The following CNTN3 variants were observed in gnomAD, a reference collection of about 807,000 sequenced individuals.
CNTN3 encodes the protein contactin-3.
In CNTN3, 60 loss-of-function variants were observed where a neutral mutation model predicts 119.1. That is an observed-to-expected ratio of 0.50 (90% CI 0.41 to 0.62). The LOEUF is 0.62. Ranked by LOEUF, CNTN3 falls within the 20% of genes least tolerant of loss-of-function variation. CNTN3 has a pLI of 0.00. For missense variants in CNTN3, 1,101 were observed against 1,242.4 expected (o/e 0.89, Z 1.71); for synonymous variants, 450 against 438.7 (o/e 1.03, Z -0.32).
At chr3:74,266,129 G>C (rs1257619158) in intron 22 of CNTN3, among the ~76,000 whole-genome samples, 1 of 151,986 alleles carries the variant, frequency 6.6e-6, no homozygotes, top group Non-Finnish European at 1.5e-5. Context: ...TTTGTAGGAG[G>C]CAAATAACTA....
intron 1 of CNTN3, among the ~76,000 whole-genome samples, chr3:74,577,274 C>T (rs1031029969): frequency 1.3e-5 from 2 of 152,168 alleles, no homozygotes; most frequent in African/African-American, 4.8e-5. Context: ...TTCACTAAAA[C>T]AGGTCGTTAA....
At chr3:74,308,199 CA>C (rs1702602942) in intron 13 of CNTN3, among the ~76,000 whole-genome samples, 1 of 152,170 alleles carries the variant, frequency 6.6e-6, no homozygotes. Context: ...GCATCAAGTT[CA>C]CCTTCATTAC....
intron 13 of CNTN3, among the ~76,000 whole-genome samples, chr3:74,311,642 C>T (rs572519859): frequency 9.7e-4 from 148 of 152,274 alleles, no homozygotes; most frequent in African/African-American, 1.0e-3. Context: ...TCAGCATGAA[C>T]AGTTCCATCT....
At chr3:74,395,381 A>G (rs1190346032) in intron 5 of CNTN3, among the ~76,000 whole-genome samples, 10 of 149,724 alleles carry the variant, frequency 6.7e-5, no homozygotes, top group Non-Finnish European at 1.3e-4. Context: ...ACACACATAC[A>G]CACACACACA....
At chr3:74,601,187 T>C (rs1704904122) in intron 1 of CNTN3, among the ~76,000 whole-genome samples, 1 of 152,030 alleles carries the variant, frequency 6.6e-6, no homozygotes, top group Admixed American at 6.6e-5. Flanking sequence ...CCTGGCCTTA[T>C]CTCATGGATT....
intron 1 of CNTN3, among the ~76,000 whole-genome samples, chr3:74,543,419 T>C (rs1377722901): frequency 6.6e-6 from 1 of 152,148 alleles, no homozygotes; most frequent in Admixed American, 6.5e-5. Context: ...TGGATACTTA[T>C]CTCTGTTTTC....
chr3:74,415,335 T>C (rs1290930566), intron 5 of CNTN3, among the ~76,000 whole-genome samples: 1 of 152,078 alleles, frequency 6.6e-6, no homozygotes, highest in Non-Finnish European at 1.5e-5. Flanking sequence ...AAGTGTAAGT[T>C]GTAATGAATG....
chr3:74,460,119 T>C (rs1702338610), intron 4 of CNTN3, among the ~76,000 whole-genome samples: 1 of 152,052 alleles, frequency 6.6e-6, no homozygotes, highest in South Asian at 2.1e-4. Flanking sequence ...CCTTGATCCA[T>C]GTGTCTTCTC....
intron 1 of CNTN3, among the ~76,000 whole-genome samples, chr3:74,526,394 G>A (rs1198858602): frequency 2.0e-5 from 3 of 151,752 alleles, no homozygotes; most frequent in Non-Finnish European, 4.4e-5. Context: ...TGAGTATACT[G>A]GCTTGTTGAG....
chr3:74,491,944 G>T (rs1702972432), intron 3 of CNTN3, among the ~76,000 whole-genome samples: 1 of 152,130 alleles, frequency 6.6e-6, no homozygotes, highest in Admixed American at 6.6e-5. Flanking sequence ...TGGAACAAAA[G>T]AAGACAACCT....
At chr3:74,448,703 T>C (rs1702092225) in intron 4 of CNTN3, among the ~76,000 whole-genome samples, 1 of 152,164 alleles carries the variant, frequency 6.6e-6, no homozygotes, top group African/African-American at 2.4e-5. Context: ...TTTGCTATTA[T>C]TATAAAGTAT....
intron 1 of CNTN3, among the ~76,000 whole-genome samples, chr3:74,600,034 T>C (rs3886343): frequency 0.19 from 29,077 of 151,866 alleles, 5,086 homozygotes; most frequent in African/African-American, 0.45. Flanking sequence ...AGTTGGTTGA[T>C]GACAGTTTTT....
rs150415409 is a variant in CNTN3 at position 74,437,447 on chromosome 3, G to A, written c.359-12507C>T. Among the ~76,000 whole-genome samples the A allele has an allele frequency of 2.3e-4, 35 of 152,022 alleles. 1 individual carries two copies. Among genetic ancestry groups the A allele is most frequent in the African/African-American group, 6.3e-4 (26 of 41,474 alleles). ...ACTGCACTCCAACCTGGGTGACAGC[G>A]CGAGACTCTGTCTCAAAAAAATAAA... is the stretch of plus-strand genomic sequence containing the variant. On this transcript the variant is annotated intron_variant, in intron 4 of 22. Transcript: ENST00000263665.
chr3:74,344,739 GT>G (rs1703649788), intron 11 of CNTN3, among the ~76,000 whole-genome samples: 2 of 152,174 alleles, frequency 1.3e-5, no homozygotes, highest in South Asian at 4.2e-4. Flanking sequence ...GATTACAGGC[GT>G]TGAGACACCG....
chr3:74,446,209 C>T (rs941772800), intron 4 of CNTN3, among the ~76,000 whole-genome samples: 24 of 152,076 alleles, frequency 1.6e-4, no homozygotes, highest in South Asian at 6.2e-4. Flanking sequence ...GGTAGTAATA[C>T]GTACCTGAAC....
intron 4 of CNTN3, among the ~76,000 whole-genome samples, chr3:74,446,643 C>T (rs1423536306): frequency 1.3e-5 from 2 of 148,290 alleles, no homozygotes; most frequent in East Asian, 4.0e-4. Flanking sequence ...TAAAATAATA[C>T]TGAGTTAAAT....
intron 10 of CNTN3, among the ~76,000 whole-genome samples, chr3:74,362,352 G>A (rs192350831): frequency 1.5e-3 from 226 of 152,250 alleles, no homozygotes; most frequent in Non-Finnish European, 2.0e-3. Context: ...TTAGCTCCAC[G>A]AAGACAGGAA....
At chr3:74,300,010 T>C in intron 16 of CNTN3, 72 bp from the exon 17 acceptor site, 2 of 953,830 alleles carry the variant, frequency 2.1e-6, no homozygotes, top group Non-Finnish European at 3.0e-6. Context: ...GATAATGCAA[T>C]GTTTTTTTAA....
At position 74,277,150 on chromosome 3, in the gene CNTN3, C is replaced by T. The variant is rs147330784; in HGVS notation, c.2704+8155G>A. Among the ~76,000 whole-genome samples, 961 of 152,012 alleles carry T rather than the reference C, an allele frequency of 6.3e-3. 8 individuals are homozygous for T. The highest frequency in any genetic ancestry group is 0.022 in the African/African-American group (921 of 41,478). On this transcript the variant is annotated intron_variant, in intron 20 of 22. Transcript: ENST00000263665. ...ACTGAAATGGTAATTAAAAAATTAC[C>T]GACTAAAAAAGTTCAGGAGCAGAAG...
Sources: allele counts gnomAD v4.1 joint callset (sites outside exome capture counted in the v4.1 genomes callset), GRCh38; gene constraint gnomAD v4.1.1; transcripts MANE v1.5; gene names NCBI Gene and HGNC (gene_info 2026-07-23, HGNC 2026-07-21).